RAD50: variants seen among roughly 807,000 people sequenced by gnomAD.
The protein encoded by RAD50 is DNA repair protein RAD50.
In RAD50, 132 loss-of-function variants were observed where a neutral mutation model predicts 168.8. That is an observed-to-expected ratio of 0.78 (90% CI 0.68 to 0.90). The LOEUF (loss-of-function observed/expected upper bound fraction) is 0.90. Among genes scored for constraint, RAD50 ranks in the 40% least tolerant of loss-of-function variants. The pLI is 0.00. For missense variants in RAD50, 1,347 were observed against 1,534.4 expected (o/e 0.88, Z 2.04); for synonymous variants, 525 against 497.4 (o/e 1.06, Z -0.74).
intron 17 of RAD50, 46 bp downstream of exon 17, chr5:132,608,771 CTT>C (rs1449265872): frequency 6.5e-7 from 1 of 1,541,826 alleles, no homozygotes; most frequent in East Asian, 2.5e-5. Flanking sequence ...CTGTATTAAA[CTT>C]ATGTTCATAG....
Position 132,604,983 on chromosome 5 carries a change from T to C in RAD50, c.2702T>C (p.Leu901Ser), listed in dbSNP as rs1750958929. Residue 901 changes from leucine (L) to serine (S), a missense_variant, in exon 16 of 25, where the codon TTG becomes TCG. By Grantham distance (145) the Leu-to-Ser change is moderately radical. Transcript: ENST00000378823. ...GAATTATCCACTGAAGTTCAGTCTT[T>C]GTACAGAGAGATAAAGGTAAGAATA... Reference protein sequence around the residue: ...TVELSTEVQSLYREIKDAKEQ... With the variant: ...TVELSTEVQSSYREIKDAKEQ... 6.2e-7 allele frequency: 1 copy of C among 1,610,352 alleles called. No individual in the cohort carries two copies. Among genetic ancestry groups the C allele is most frequent in the Non-Finnish European group, 8.5e-7 (1 of 1,176,668 alleles).
chr5:132,576,329 T>C (rs1221894834), intron 3 of RAD50, among the ~76,000 whole-genome samples: 3 of 152,204 alleles, frequency 2.0e-5, no homozygotes, highest in African/African-American at 7.2e-5. Flanking sequence ...TGTTTAAGAA[T>C]GGGTGAGATG....
Position 132,560,109 on chromosome 5 carries a change from G to C in RAD50, c.213+742G>C, listed in dbSNP as rs113564644. 2.1e-3 allele frequency among the ~76,000 whole-genome samples: 323 copies of C among 151,946 alleles called. 3 individuals carry two copies. The highest frequency in any genetic ancestry group is 6.9e-3 in the African/African-American group (285 of 41,406). ...ATATAGTTTATTCGTTTTTAGTGGG[G>C]TCATGTGCCTCTCTAGCCGCTCCCT... is the stretch of plus-strand genomic sequence containing the variant. On this transcript the variant is annotated intron_variant, in intron 2 of 24. Transcript: ENST00000378823.
In RAD50 at chr5:132,557,263, T is replaced by C; in HGVS notation, c.-62T>C. On this transcript the variant is annotated 5_prime_UTR_variant, in exon 1 of 25. Transcript: ENST00000378823. ...TCTCACGTCCCGTGCACGCCTTGCTTCGGCCTCAGTTAAGCCTTTGTGGGC... is the reference window on the plus strand; with the variant it reads ...TCTCACGTCCCGTGCACGCCTTGCTCCGGCCTCAGTTAAGCCTTTGTGGGC... 6.3e-7 allele frequency: 1 copy of C among 1,590,796 alleles called. No individual in the cohort carries two copies. Among genetic ancestry groups the C allele is most frequent in the Non-Finnish European group, 8.6e-7 (1 of 1,158,802 alleles).
chr5:132,641,546 C>T (rs1035976629), intron 24 of RAD50, among the ~76,000 whole-genome samples: 1 of 152,152 alleles, frequency 6.6e-6, no homozygotes, highest in African/African-American at 2.4e-5. Flanking sequence ...CAAATGCATC[C>T]AGCTCCAGGA....
chr5:132,619,855 G>GATATATATATATATAAATAT (rs1312742425), intron 21 of RAD50, among the ~76,000 whole-genome samples: 1 of 96,134 alleles, frequency 1.0e-5, no homozygotes, highest in African/African-American at 4.4e-5. Context: ...TATATATAAA[G>GATATATATATATATAAATAT]ATATATATAT....
chr5:132,608,026 C>T (rs1222701958), intron 16 of RAD50, among the ~76,000 whole-genome samples: 2 of 152,094 alleles, frequency 1.3e-5, no homozygotes, highest in African/African-American at 4.8e-5. Context: ...ACTTGAAAGC[C>T]CCGTTCCTTC....
intron 21 of RAD50, among the ~76,000 whole-genome samples, chr5:132,619,413 G>A (rs1751234389): frequency 6.8e-6 from 1 of 146,386 alleles, no homozygotes; most frequent in South Asian, 2.2e-4. Flanking sequence ...CTTTTTGTGT[G>A]TTTTGGGACA....
chr5:132,638,270 A>G (rs770264408), intron 23 of RAD50, 47 bp downstream of exon 23: 7 of 1,609,588 alleles, frequency 4.3e-6, no homozygotes, highest in Non-Finnish European at 5.1e-6. Context: ...AAGTAACTGA[A>G]AGAGAGAAAC....
Position 132,595,580 on chromosome 5 carries a change from G to A in RAD50, c.1977G>A (p.Leu659=), listed in dbSNP as rs747989864. The A allele has an allele frequency of 1.2e-6, 2 of 1,607,696 alleles. No homozygotes were observed. Among genetic ancestry groups the A allele is most frequent in the African/African-American group, 1.3e-5 (1 of 74,720 alleles). Reference sequence around the variant, plus strand: ...TTTATTTTCTTAAAATAGCCATGCTGGCTGGAGCCACAGCAGTTTACTCCC... The same window carrying A: ...TTTATTTTCTTAAAATAGCCATGCTAGCTGGAGCCACAGCAGTTTACTCCC... The part of the protein sequence containing the change: ...IEKSSKQRAM[L]AGATAVYSQF... Residue 659 remains leucine (L), a synonymous_variant, in exon 13 of 25, where the codon CTG becomes CTA. Coordinates refer to ENST00000378823, the MANE Select transcript of RAD50 (RefSeq NM_005732.4).
chr5:132,622,164 T>C (rs1199634337), intron 21 of RAD50, among the ~76,000 whole-genome samples: 1 of 151,948 alleles, frequency 6.6e-6, no homozygotes, highest in Non-Finnish European at 1.5e-5. Context: ...GGTTTTTTTA[T>C]AATTTTTTTT....
At chr5:132,564,143 T>C (rs551142704) in intron 2 of RAD50, among the ~76,000 whole-genome samples, 277 of 152,270 alleles carry the variant, frequency 1.8e-3, no homozygotes, top group Non-Finnish European at 3.3e-3. Context: ...TAAAGATAGC[T>C]GAAAATGTGG....
In RAD50 at chr5:132,612,445, ATAAAG is replaced by A. The variant is rs1751103401; in HGVS notation, c.3036+3054_3036+3058del. On this transcript the variant is annotated intron_variant, in intron 19 of 24. Transcript: ENST00000378823. Reference sequence around the variant, plus strand: ...TGGTGATGGTTGTATAACCTTGTAAATAAAGTAAAACTGCTAAATTGTACACGTTT... The same window carrying A: ...TGGTGATGGTTGTATAACCTTGTAAATAAAACTGCTAAATTGTACACGTTT... 5.3e-5 allele frequency among the ~76,000 whole-genome samples: 8 copies of A among 152,342 alleles called. No individual in the cohort carries two copies. In the South Asian group the frequency reaches 1.5e-3, roughly 28 times the overall value.
Position 132,564,657 on chromosome 5 carries a change from G to A in RAD50, c.213+5290G>A, listed in dbSNP as rs113251894. ...ACCCATTTTCTGGGGAGGAATTCAA[G>A]CCGGCTGCAGAAATTTGCATAAGTA... On this transcript the variant is annotated intron_variant, in intron 2 of 24. Coordinates refer to ENST00000378823, the MANE Select transcript of RAD50 (RefSeq NM_005732.4). 7.0e-3 allele frequency among the ~76,000 whole-genome samples: 1,061 copies of A among 152,300 alleles called. 15 individuals are homozygous for A. Among genetic ancestry groups the A allele is most frequent in the African/African-American group, 0.023 (970 of 41,546 alleles).
chr5:132,610,077 C>G (rs1751058688), intron 19 of RAD50, among the ~76,000 whole-genome samples: 1 of 151,260 alleles, frequency 6.6e-6, no homozygotes, highest in South Asian at 2.1e-4. Context: ...GGGGTCGTAT[C>G]ATGTTATTCT....
At chr5:132,591,708 A>G (rs949178493) in intron 10 of RAD50, among the ~76,000 whole-genome samples, 169 bp from the exon 11 acceptor site, 1 of 152,164 alleles carries the variant, frequency 6.6e-6, no homozygotes, top group Non-Finnish European at 1.5e-5. Flanking sequence ...AGGCTTAGAA[A>G]GACCATCCCC....
chr5:132,566,770 A>G (rs1430487611), intron 2 of RAD50, among the ~76,000 whole-genome samples: 2 of 152,246 alleles, frequency 1.3e-5, no homozygotes, highest in African/African-American at 4.8e-5. Context: ...GAAACATTTT[A>G]GGTTGATACT....
At chr5:132,623,957 G>A (rs1378453290) in intron 21 of RAD50, among the ~76,000 whole-genome samples, 4 of 152,208 alleles carry the variant, frequency 2.6e-5, no homozygotes, top group African/African-American at 4.8e-5. Flanking sequence ...CAAGTTTTAG[G>A]AAGTACGTAA....
At position 132,644,020 on chromosome 5, in the gene RAD50, A is replaced by G; in HGVS notation, c.*1656A>G. On this transcript the variant is annotated 3_prime_UTR_variant, in exon 25 of 25. Coordinates refer to ENST00000378823, the MANE Select transcript of RAD50 (RefSeq NM_005732.4). ...GTTGCTAAATCAAAATTAAACAGTC[A>G]TCTTAACTGCAAAATAAAACATTTC... 4.5e-6 allele frequency: 1 copy of G among 220,980 alleles called. No individual in the cohort carries two copies. The highest frequency in any genetic ancestry group is 9.1e-6 in the Non-Finnish European group (1 of 110,326). 13.7% of individuals were successfully genotyped at this position (220,980 alleles called of 1,614,324 possible). A position where few individuals can be genotyped will look rare whatever the true frequency, so the allele number is the denominator to read the frequency against.
Sources: gnomAD v4.1 joint callset for allele counts (sites outside exome capture counted in the v4.1 genomes callset) on GRCh38, gnomAD v4.1.1 for gene constraint, MANE v1.5 for transcripts, NCBI Gene and HGNC (gene_info 2026-07-23, HGNC 2026-07-21) for gene names.